PRR5L: variants seen among roughly 807,000 people sequenced by gnomAD.
PRR5L encodes the protein proline rich 5 like.
PRR5L carries 21 observed loss-of-function variants against 36.4 expected under a neutral mutation model. That is an observed-to-expected ratio of 0.58 (90% CI 0.41 to 0.83). The LOEUF is 0.83. Ranked by LOEUF, PRR5L falls within the 40% of genes least tolerant of loss-of-function variation. The pLI, the probability that PRR5L is intolerant of heterozygous loss-of-function variation, is 0.00. For synonymous variants in PRR5L, 188 were observed against 197.0 expected (o/e 0.95, Z 0.38); for missense variants, 381 against 473.3 (o/e 0.80, Z 1.81).
intron 6 of PRR5L, among the ~76,000 whole-genome samples, chr11:36,442,668 G>C (rs1402581332): frequency 2.6e-5 from 4 of 151,900 alleles, no homozygotes; most frequent in African/African-American, 7.3e-5. Flanking sequence ...GATACTCTAA[G>C]TCATCACTCT....
chr11:36,392,436 A>T (rs776968208), intron 1 of PRR5L, among the ~76,000 whole-genome samples: 3 of 152,174 alleles, frequency 2.0e-5, no homozygotes, highest in African/African-American at 4.8e-5. Flanking sequence ...TCCCACCAAC[A>T]GTATATGAAG....
chr11:36,432,830 A>T (rs1858529436), intron 5 of PRR5L, among the ~76,000 whole-genome samples: 1 of 152,178 alleles, frequency 6.6e-6, no homozygotes, highest in African/African-American at 2.4e-5. Flanking sequence ...ATTCCCTGGG[A>T]AAGACACGAG....
At position 36,377,997 on chromosome 11, in the gene PRR5L, C is replaced by T. The variant is rs556403481; in HGVS notation, c.-125-23000C>T. On this transcript the variant is annotated intron_variant, in intron 1 of 8. Transcript: ENST00000530639. This position sits in a 1 kb window ranked among gnomAD's most constrained non-coding sequence, Gnocchi z 5.1. Reference sequence around the variant, plus strand: ...CCAATGTACTGCCTTCATCCCCCACCATCCTCAAGGGACCCTTGCTGATCA... The same window carrying T: ...CCAATGTACTGCCTTCATCCCCCACTATCCTCAAGGGACCCTTGCTGATCA... Among the ~76,000 whole-genome samples the T allele has an allele frequency of 8.5e-5, 13 of 152,200 alleles. No individual in the cohort carries two copies. Among genetic ancestry groups the T allele is most frequent in the Non-Finnish European group, 1.8e-4 (12 of 68,040 alleles).
intron 1 of PRR5L, among the ~76,000 whole-genome samples, chr11:36,383,768 T>C (rs1029066027): frequency 6.8e-6 from 1 of 147,546 alleles, no homozygotes; most frequent in Non-Finnish European, 1.5e-5. Flanking sequence ...TGATCACGGA[T>C]CACTGCAATC....
chr11:36,341,513 G>T (rs920885887), intron 1 of PRR5L, among the ~76,000 whole-genome samples: 1 of 152,104 alleles, frequency 6.6e-6, no homozygotes, highest in African/African-American at 2.4e-5. Flanking sequence ...AAGAACACAG[G>T]CTTCAATTGG....
rs1387601918 is a variant in PRR5L, at chr11:36,403,281, A to C, written c.165-17A>C. ...AAGGGAGATTCTCTAACCAGGGGTT[A>C]TTCTCTTTTCCTGTAGCGTTCAGAC... On this transcript the variant is annotated splice_polypyrimidine_tract_variant and intron_variant, in intron 2 of 8. Transcript: ENST00000530639. 6.2e-7 allele frequency: 1 copy of C among 1,611,210 alleles called. No homozygotes were observed. Among genetic ancestry groups the C allele is most frequent in the Middle Eastern group, 1.7e-4 (1 of 6,056 alleles).
intron 1 of PRR5L, among the ~76,000 whole-genome samples, chr11:36,355,736 A>AT (rs1470279709): frequency 1.3e-5 from 2 of 149,208 alleles, no homozygotes; most frequent in Non-Finnish European, 3.0e-5. Context: ...TTTTTTTTTA[A>AT]TTTTTTAGTA....
At chr11:36,367,686 T>A (rs1857157613) in intron 1 of PRR5L, among the ~76,000 whole-genome samples, 1 of 151,792 alleles carries the variant, frequency 6.6e-6, no homozygotes, top group Admixed American at 6.6e-5. Flanking sequence ...ATAAAAGGAG[T>A]GTCTCATAGA....
intron 1 of PRR5L, among the ~76,000 whole-genome samples, chr11:36,384,684 T>G (rs995108738): frequency 6.3e-5 from 9 of 142,046 alleles, no homozygotes; most frequent in African/African-American, 2.3e-4. Flanking sequence ...TCTTTCTTTC[T>G]TTTTTGGAGA....
chr11:36,380,732 G>A (rs1303136029), intron 1 of PRR5L: 2 of 152,144 alleles, frequency 1.3e-5, no homozygotes, highest in Non-Finnish European at 2.9e-5. Flanking sequence ...GAAATTTCCA[G>A]CTGTAACATA....
intron 1 of PRR5L, among the ~76,000 whole-genome samples, chr11:36,309,547 A>G (rs527413002): frequency 1.7e-5 from 1 of 59,702 alleles, no homozygotes; most frequent in South Asian, 6.0e-4. Flanking sequence ...CAACAGGTAA[A>G]CCTGAGAACT....
intron 1 of PRR5L, among the ~76,000 whole-genome samples, chr11:36,345,329 T>TAAAC (rs1483714130): frequency 6.6e-6 from 1 of 152,034 alleles, no homozygotes; most frequent in African/African-American, 2.4e-5. Context: ...TGCTGTGTCT[T>TAAAC]AAACTCCTGA....
chr11:36,325,430 A>G (rs930438461), intron 1 of PRR5L, among the ~76,000 whole-genome samples: 3 of 152,258 alleles, frequency 2.0e-5, no homozygotes, highest in African/African-American at 7.2e-5. Flanking sequence ...ACCAGAAGAC[A>G]GTGCAGTTGC....
chr11:36,302,309 C>G (rs2133448740), intron 1 of PRR5L, among the ~76,000 whole-genome samples: 1 of 152,288 alleles, frequency 6.6e-6, no homozygotes, highest in Middle Eastern at 3.4e-3. Context: ...AGAGAGGGAA[C>G]AGCCTGTGTG....
At chr11:36,299,531 C>T (rs181525878) in intron 1 of PRR5L, among the ~76,000 whole-genome samples, 103 of 152,326 alleles carry the variant, frequency 6.8e-4, no homozygotes, top group Non-Finnish European at 1.2e-3. Flanking sequence ...CTCAGTGTCA[C>T]AGCTCACTTT....
At chr11:36,448,364 C>T (rs1564952538) in intron 7 of PRR5L, among the ~76,000 whole-genome samples, 1 of 152,154 alleles carries the variant, frequency 6.6e-6, no homozygotes, top group African/African-American at 2.4e-5. Flanking sequence ...GTACCCTGGC[C>T]TTCAGCATCT....
chr11:36,372,567 A>G (rs921339807), intron 1 of PRR5L, among the ~76,000 whole-genome samples: 1 of 152,118 alleles, frequency 6.6e-6, no homozygotes, highest in African/African-American at 2.4e-5. Flanking sequence ...CCTTCTAACT[A>G]TGTGTCCGCA....
chr11:36,376,094 C>A, intron 1 of PRR5L: 10 of 1,247,234 alleles, frequency 8.0e-6, no homozygotes, highest in Non-Finnish European at 1.1e-5. Context: ...CCTGCTGCAT[C>A]CTCCTCGGCA....
intron 1 of PRR5L, among the ~76,000 whole-genome samples, chr11:36,341,473 A>G (rs1856816231): frequency 6.6e-6 from 1 of 152,192 alleles, no homozygotes. Context: ...AGATGATCAT[A>G]GGATTCCAGA....
Sources: gnomAD v4.1 joint callset for allele counts (sites outside exome capture counted in the v4.1 genomes callset) on GRCh38, gnomAD v4.1.1 for gene constraint, Gnocchi (gnomAD v3.1) non-coding constraint, MANE v1.5 for transcripts, NCBI Gene and HGNC (gene_info 2026-07-23, HGNC 2026-07-21) for gene names.